MEI4: variants seen among roughly 807,000 people sequenced by gnomAD.
MEI4 encodes meiotic double-stranded break formation protein 4, also known as meiosis-specific protein MEI4.
MEI4 carries 27 observed loss-of-function variants against 31.4 expected under a neutral mutation model. That is an observed-to-expected ratio of 0.86 (90% confidence interval 0.63 to 1.19). The LOEUF (loss-of-function observed/expected upper bound fraction) is 1.19. Ranked by LOEUF, MEI4 falls within the 50% of genes most tolerant of loss-of-function variation. The pLI is 0.00. For synonymous variants in MEI4, 122 were observed against 145.4 expected (o/e 0.84, Z 1.16); for missense variants, 329 against 398.9 (o/e 0.82, Z 1.49).
chr6:77,873,117 C>T (rs944274962), intron 4 of MEI4, among the ~76,000 whole-genome samples: 2 of 152,048 alleles, frequency 1.3e-5, no homozygotes, highest in African/African-American at 4.8e-5. Flanking sequence ...ATGATTTATA[C>T]AGTAATGGGA....
intron 3 of MEI4, among the ~76,000 whole-genome samples, chr6:77,768,615 G>A (rs574411927): frequency 2.4e-4 from 36 of 151,822 alleles, no homozygotes; most frequent in African/African-American, 7.2e-4. Flanking sequence ...CAGGAGAATC[G>A]CTTGGACCTG....
At chr6:77,746,895 C>T (rs1163998894) in intron 2 of MEI4, among the ~76,000 whole-genome samples, 11 of 151,850 alleles carry the variant, frequency 7.2e-5, no homozygotes, top group Non-Finnish European at 1.6e-4. Context: ...TTTTTATGTG[C>T]GATGCATGAA....
At chr6:77,863,144 C>T (rs955645560) in intron 4 of MEI4, among the ~76,000 whole-genome samples, 1 of 152,172 alleles carries the variant, frequency 6.6e-6, no homozygotes. Context: ...AAAAACAGAG[C>T]AGAAAAACTG....
chr6:77,774,170 A>G (rs1768382705), intron 3 of MEI4, among the ~76,000 whole-genome samples: 1 of 152,142 alleles, frequency 6.6e-6, no homozygotes, highest in Non-Finnish European at 1.5e-5. Context: ...GTGTATACCC[A>G]GAAGAAAGGA....
chr6:77,746,297 A>G (rs1188442857), intron 2 of MEI4, among the ~76,000 whole-genome samples: 3 of 152,212 alleles, frequency 2.0e-5, no homozygotes, highest in Admixed American at 1.3e-4. Flanking sequence ...GTGTTTTCAG[A>G]TAAGATTATT....
At chr6:77,802,020 A>G (rs578188212) in intron 3 of MEI4, among the ~76,000 whole-genome samples, 2 of 152,120 alleles carry the variant, frequency 1.3e-5, no homozygotes, top group Non-Finnish European at 2.9e-5. Flanking sequence ...GTTCCTGGAT[A>G]TCCTTGTTAA....
chr6:77,693,838 T>C (rs1447256768), intron 2 of MEI4, among the ~76,000 whole-genome samples: 1 of 152,106 alleles, frequency 6.6e-6, no homozygotes, highest in East Asian at 1.9e-4. Context: ...TTAAAGTGTA[T>C]TTATATTATT....
chr6:77,921,659 A>G (rs770710379), intron 4 of MEI4, among the ~76,000 whole-genome samples: 1 of 151,778 alleles, frequency 6.6e-6, no homozygotes, highest in Non-Finnish European at 1.5e-5. Context: ...AAAATTGGAG[A>G]TAGGCAACTC....
At position 77,691,377 on chromosome 6, in the gene MEI4, T is replaced by C. The variant is rs59522603; in HGVS notation, c.232+474T>C. Among the ~76,000 whole-genome samples the C allele has an allele frequency of 6.4e-4, 98 of 152,114 alleles. No individual in the cohort carries two copies. In the East Asian group the frequency reaches 8.7e-3, roughly 13 times the overall value. ...TAATTAACCTAGTTGTGATACATAC[T>C]ATAATAGAGACTGACAAAATACAGA... On this transcript the variant is annotated intron_variant, in intron 2 of 4. Transcript: ENST00000684080.
intron 2 of MEI4, among the ~76,000 whole-genome samples, chr6:77,711,445 GAA>G (rs746413123): frequency 2.0e-5 from 3 of 152,124 alleles, no homozygotes; most frequent in Non-Finnish European, 2.9e-5. Flanking sequence ...GCCGGAAAGA[GAA>G]AGAGAATGGA....
intron 2 of MEI4, among the ~76,000 whole-genome samples, chr6:77,741,769 C>A (rs1349941516): frequency 9.4e-6 from 1 of 106,594 alleles, no homozygotes; most frequent in South Asian, 4.2e-4. Flanking sequence ...TCCCTCCCCC[C>A]TCCCCCCACC....
intron 1 of MEI4, among the ~76,000 whole-genome samples, chr6:77,688,220 A>G (rs748678995): frequency 6.6e-6 from 1 of 152,166 alleles, no homozygotes; most frequent in African/African-American, 2.4e-5. Flanking sequence ...ACAATTAAGA[A>G]GGCATACATT....
chr6:77,841,205 TAACTA>T (rs1770348940), intron 4 of MEI4, among the ~76,000 whole-genome samples: 1 of 150,922 alleles, frequency 6.6e-6, no homozygotes, highest in Non-Finnish European at 1.5e-5. Flanking sequence ...ATGTATATGA[TAACTA>T]AAATATAAAG....
chr6:77,762,880 G>C (rs1768077045), intron 3 of MEI4, among the ~76,000 whole-genome samples: 1 of 152,098 alleles, frequency 6.6e-6, no homozygotes, highest in Admixed American at 6.6e-5. Flanking sequence ...TTGTATCTGA[G>C]ATATAAAATC....
At chr6:77,844,313 T>C (rs1006312220) in intron 4 of MEI4, among the ~76,000 whole-genome samples, 5 of 152,212 alleles carry the variant, frequency 3.3e-5, no homozygotes, top group South Asian at 2.1e-4. Flanking sequence ...TCCTAAAATG[T>C]AGATTTGGAA....
chr6:77,863,515 A>G (rs1452221079), intron 4 of MEI4, among the ~76,000 whole-genome samples: 2 of 152,204 alleles, frequency 1.3e-5, no homozygotes, highest in Non-Finnish European at 2.9e-5. Flanking sequence ...AAATGAAGCG[A>G]GAAGAAAAGT....
intron 4 of MEI4, among the ~76,000 whole-genome samples, chr6:77,851,872 T>C (rs1770633694): frequency 6.6e-6 from 1 of 152,108 alleles, no homozygotes; most frequent in African/African-American, 2.4e-5. Flanking sequence ...TGGTTAGTCT[T>C]TAATGACCTA....
At chr6:77,664,300 G>A (rs895450362) in intron 1 of MEI4, among the ~76,000 whole-genome samples, 2 of 152,284 alleles carry the variant, frequency 1.3e-5, no homozygotes, top group African/African-American at 2.4e-5. Context: ...ACTTTTTGGG[G>A]TCTAGGGCTG....
intron 2 of MEI4, among the ~76,000 whole-genome samples, chr6:77,711,292 C>T (rs2127659944): frequency 6.6e-6 from 1 of 152,008 alleles, no homozygotes; most frequent in East Asian, 1.9e-4. Flanking sequence ...TGTTAATTAG[C>T]TTGATTTAAT....
Sources: allele counts gnomAD v4.1 joint callset (sites outside exome capture counted in the v4.1 genomes callset), GRCh38; gene constraint gnomAD v4.1.1; transcripts MANE v1.5; gene names NCBI Gene and HGNC (gene_info 2026-07-23, HGNC 2026-07-21).